EMCN: variants seen among roughly 807,000 people sequenced by gnomAD.
EMCN encodes MUC-14.
A neutral mutation model predicts 38.4 loss-of-function variants in EMCN; 37 were observed. The observed-to-expected ratio is 0.96, with a 90% CI of 0.74 to 1.27. The LOEUF (loss-of-function observed/expected upper bound fraction) is 1.27, where lower values mean the gene tolerates loss of function less well. Among genes scored for constraint, EMCN ranks in the 50% most tolerant of loss-of-function variants. EMCN has a pLI of 0.00. For missense variants in EMCN, 318 were observed against 302.8 expected (o/e 1.05, Z -0.37); for synonymous variants, 95 against 100.8 (o/e 0.94, Z 0.35).
chr4:100,432,028 C>T (rs1482812060), intron 5 of EMCN, among the ~76,000 whole-genome samples: 1 of 152,140 alleles, frequency 6.6e-6, no homozygotes, highest in Non-Finnish European at 1.5e-5. Flanking sequence ...CTCTGCCTGT[C>T]TGTGTGAAAA....
intron 11 of EMCN, among the ~76,000 whole-genome samples, chr4:100,404,552 CTT>C (rs1197129705): frequency 6.6e-6 from 1 of 151,842 alleles, no homozygotes. Context: ...GGCTCTCTAA[CTT>C]GTTTCATTTA....
At chr4:100,509,396 G>A (rs1045345498) in intron 1 of EMCN, among the ~76,000 whole-genome samples, 1 of 152,152 alleles carries the variant, frequency 6.6e-6, no homozygotes, top group Admixed American at 6.5e-5. Context: ...CTTTAAGTTA[G>A]TTCACTCTGT....
Position 100,415,959 on chromosome 4 carries a change from T to C in EMCN, c.690A>G (p.Gln230=), listed in dbSNP as rs1320146303. The C allele has an allele frequency of 6.3e-7, 1 of 1,579,878 alleles. No individual in the cohort carries two copies. Among genetic ancestry groups the C allele is most frequent in the Non-Finnish European group, 8.6e-7 (1 of 1,165,302 alleles). The change falls in exon 10 of 12, where the codon CAA becomes CAG. Residue 230 remains glutamine, a splice_region_variant and synonymous_variant. Transcript: ENST00000296420. ...DPGTPENGND[Q]PQSDKESVKL... is the part of the protein sequence containing the mutation. ...TCACGCTCTCTTTATCAGACTGAGG[T>C]CTATTTGAAAAAAAAAACATGAAAT...
At chr4:100,472,222 T>C (rs1298375821) in intron 3 of EMCN, among the ~76,000 whole-genome samples, 2 of 151,890 alleles carry the variant, frequency 1.3e-5, no homozygotes, top group African/African-American at 4.8e-5. Context: ...CATTCACATA[T>C]ACACACACAC....
intron 1 of EMCN, among the ~76,000 whole-genome samples, chr4:100,511,780 C>A (rs537496044): frequency 1.1e-4 from 16 of 151,870 alleles, no homozygotes; most frequent in African/African-American, 3.9e-4. Flanking sequence ...AATAATAAAT[C>A]CTGGGTTTTC....
At chr4:100,437,578 T>A (rs1047667037) in intron 5 of EMCN, among the ~76,000 whole-genome samples, 2 of 152,178 alleles carry the variant, frequency 1.3e-5, no homozygotes, top group African/African-American at 2.4e-5. Context: ...AGTTGATTTT[T>A]GTGCATCGTT....
intron 11 of EMCN, among the ~76,000 whole-genome samples, chr4:100,406,146 C>A (rs567357744): frequency 1.5e-4 from 23 of 152,004 alleles, no homozygotes; most frequent in African/African-American, 5.5e-4. Context: ...TTTAGTCTAG[C>A]TAACAGTCTA....
chr4:100,495,104 A>ACATGGGATTTGCAGAAATTGGTGG (rs1729177556), intron 1 of EMCN, among the ~76,000 whole-genome samples: 1 of 152,136 alleles, frequency 6.6e-6, no homozygotes, highest in Non-Finnish European at 1.5e-5. Context: ...TCCCTCTACC[A>ACATGGGATTTGCAGAAATTGGTGG]CATGGGATTT....
chr4:100,508,823 A>C (rs747824395), intron 1 of EMCN, among the ~76,000 whole-genome samples: 3 of 152,220 alleles, frequency 2.0e-5, no homozygotes, highest in Non-Finnish European at 4.4e-5. Flanking sequence ...TGATTTGAAC[A>C]GTCACTATAA....
intron 1 of EMCN, among the ~76,000 whole-genome samples, chr4:100,487,907 T>C (rs1560636935): frequency 6.6e-6 from 1 of 152,228 alleles, no homozygotes; most frequent in Non-Finnish European, 1.5e-5. Flanking sequence ...ACTTCAAAGG[T>C]AGCCACTTAC....
intron 7 of EMCN, among the ~76,000 whole-genome samples, chr4:100,422,088 A>C (rs1363544652): frequency 2.0e-5 from 3 of 151,970 alleles, no homozygotes; most frequent in Non-Finnish European, 4.4e-5. Context: ...AAAGCAAGAG[A>C]GCTGTCATAG....
intron 11 of EMCN, among the ~76,000 whole-genome samples, chr4:100,406,071 G>A (rs1246387655): frequency 6.6e-6 from 1 of 151,816 alleles, no homozygotes; most frequent in Non-Finnish European, 1.5e-5. Flanking sequence ...GTATTTCTGT[G>A]GAGTCAGTGG....
At chr4:100,505,478 G>A (rs2110305168) in intron 1 of EMCN, among the ~76,000 whole-genome samples, 1 of 152,186 alleles carries the variant, frequency 6.6e-6, no homozygotes, top group Non-Finnish European at 1.5e-5. Flanking sequence ...AGCTCTGTCT[G>A]GAGAACTGGG....
chr4:100,452,662 G>A (rs1727880594), intron 4 of EMCN, among the ~76,000 whole-genome samples: 1 of 152,014 alleles, frequency 6.6e-6, no homozygotes, highest in Non-Finnish European at 1.5e-5. Context: ...TAAGTTACCA[G>A]CAAGAAATGC....
chr4:100,411,505 GA>G, intron 10 of EMCN, among the ~76,000 whole-genome samples: 1 of 151,202 alleles, frequency 6.6e-6, no homozygotes, highest in South Asian at 2.1e-4. Flanking sequence ...GAAATTTTGA[GA>G]AAAATTTAAT....
intron 1 of EMCN, among the ~76,000 whole-genome samples, chr4:100,508,374 T>C (rs1488345065): frequency 1.3e-5 from 2 of 151,996 alleles, no homozygotes; most frequent in East Asian, 3.8e-4. Context: ...AAATATATTC[T>C]TTTTTTTAGT....
At chr4:100,516,506 A>G (rs1400109868) in intron 1 of EMCN, among the ~76,000 whole-genome samples, 2 of 152,048 alleles carry the variant, frequency 1.3e-5, no homozygotes, top group Non-Finnish European at 2.9e-5. Flanking sequence ...AGCAGACCGA[A>G]GTTACTTATA....
rs570602173 is a variant in EMCN, at chr4:100,468,304, GTAATT to G, written c.260-2770_260-2766del. On this transcript the variant is annotated intron_variant, in intron 3 of 11. Transcript: ENST00000296420. ...ATAATGATCTTGGAATTGTTAACGT[GTAATT>G]TATTTTGTATATTTTGAGGAATTAA... Among the ~76,000 whole-genome samples the G allele has an allele frequency of 5.9e-5, 9 of 152,236 alleles. 1 individual carries two copies. Among genetic ancestry groups the G allele is most frequent in the Admixed American group, 2.6e-4 (4 of 15,294 alleles).
chr4:100,427,365 G>A (rs775558397), intron 5 of EMCN, among the ~76,000 whole-genome samples: 6 of 151,920 alleles, frequency 3.9e-5, no homozygotes, highest in African/African-American at 1.2e-4. Flanking sequence ...TTCATTTACT[G>A]GGCTCAAGTG....
Sources: gnomAD v4.1 joint callset for allele counts (sites outside exome capture counted in the v4.1 genomes callset) on GRCh38, gnomAD v4.1.1 for gene constraint, MANE v1.5 for transcripts, NCBI Gene and HGNC (gene_info 2026-07-23, HGNC 2026-07-21) for gene names.